Variants in TSHZ3 observed in about 807,000 individuals in gnomAD.
TSHZ3 encodes teashirt zinc finger homeobox 3.
Under a neutral mutation model 64.5 loss-of-function variants are expected in TSHZ3, and 10 were observed. The observed-to-expected ratio is 0.16, with a 90% CI of 0.10 to 0.26. The LOEUF is 0.26. Among genes scored for constraint, TSHZ3 ranks in the 10% least tolerant of loss-of-function variants. TSHZ3 has a pLI of 1.00. For synonymous variants in TSHZ3, 608 were observed against 593.1 expected (o/e 1.03, Z -0.36); for missense variants, 1,242 against 1,421.7 (o/e 0.87, Z 2.03).
intron 1 of TSHZ3, among the ~76,000 whole-genome samples, chr19:31,309,542 T>C (rs1480893393): frequency 1.3e-5 from 2 of 152,118 alleles, no homozygotes; most frequent in Non-Finnish European, 2.9e-5. Flanking sequence ...TTGGGAACCA[T>C]CAAGTCAGCA....
chr19:31,212,075 A>G (rs998774019), intron 4 of TSHZ3, among the ~76,000 whole-genome samples: 3 of 150,882 alleles, frequency 2.0e-5, no homozygotes, highest in African/African-American at 7.3e-5. Flanking sequence ...TTTTGATACC[A>G]TAGGAAATTT....
chr19:31,308,764 G>T, intron 1 of TSHZ3: 1 of 398,450 alleles, frequency 2.5e-6, no homozygotes, highest in Non-Finnish European at 4.4e-6. Flanking sequence ...TGAAATCCTG[G>T]CTGTGTCTGC....
chr19:31,174,257 G>T (rs1308102120), intron 5 of TSHZ3, among the ~76,000 whole-genome samples: 1 of 152,136 alleles, frequency 6.6e-6, no homozygotes, highest in Non-Finnish European at 1.5e-5. Context: ...GAAGGCTCGA[G>T]ACCCAAGAAG....
intron 1 of TSHZ3, among the ~76,000 whole-genome samples, chr19:31,344,082 CA>C (rs1917514689): frequency 6.6e-6 from 1 of 152,162 alleles, no homozygotes; most frequent in Non-Finnish European, 1.5e-5. Context: ...CTGGATGTAC[CA>C]GTCCATATCA....
At chr19:31,260,309 T>C (rs1483265240) in intron 1 of TSHZ3, among the ~76,000 whole-genome samples, 1 of 152,194 alleles carries the variant, frequency 6.6e-6, no homozygotes, top group African/African-American at 2.4e-5. Flanking sequence ...TCTGGTCATC[T>C]CTTGTCCGTG....
chr19:31,314,085 G>A (rs1033776080), intron 1 of TSHZ3, among the ~76,000 whole-genome samples: 6 of 152,200 alleles, frequency 3.9e-5, no homozygotes, highest in African/African-American at 1.2e-4. Context: ...CTCACCGGAT[G>A]CAATTGGAAG....
chr19:31,348,982 A>G (rs1035280379), intron 1 of TSHZ3, 198 bp downstream of exon 1: 26 of 618,652 alleles, frequency 4.2e-5, no homozygotes, highest in Non-Finnish European at 6.3e-5. Flanking sequence ...GAGAGGGAAG[A>G]GGGCAGAGCG....
intron 4 of TSHZ3, among the ~76,000 whole-genome samples, chr19:31,205,742 C>A (rs555236944): frequency 6.6e-6 from 1 of 152,232 alleles, no homozygotes; most frequent in Non-Finnish European, 1.5e-5. Flanking sequence ...CTTTCCCCAC[C>A]TCTCAGCTCC....
At chr19:31,248,820 GA>G (rs1975794482) in intron 1 of TSHZ3, among the ~76,000 whole-genome samples, 1 of 148,722 alleles carries the variant, frequency 6.7e-6, no homozygotes, top group Non-Finnish European at 1.5e-5. Flanking sequence ...GAAGGAAAAA[GA>G]AAAAGAAAAA....
At chr19:31,274,123 A>G (rs1287750304), downstream of TSHZ3, among the ~76,000 whole-genome samples, 1 of 152,112 alleles carries the variant, frequency 6.6e-6, no homozygotes, top group Non-Finnish European at 1.5e-5. Context: ...TTAAATTTTT[A>G]ATAAAATATG....
chr19:31,159,902 G>C (rs1383198018), intron 5 of TSHZ3, among the ~76,000 whole-genome samples: 1 of 151,958 alleles, frequency 6.6e-6, no homozygotes, highest in African/African-American at 2.4e-5. Flanking sequence ...ATGTTGCCCA[G>C]GCTGGTCTCA....
intron 1 of TSHZ3, among the ~76,000 whole-genome samples, chr19:31,256,086 G>C (rs1203385027): frequency 6.6e-6 from 1 of 152,064 alleles, no homozygotes; most frequent in Non-Finnish European, 1.5e-5. Context: ...TGCAGCCTTG[G>C]TCCCCATGTT....
At chr19:31,225,440 C>T (rs551809952) in intron 4 of TSHZ3, among the ~76,000 whole-genome samples, 4 of 152,322 alleles carry the variant, frequency 2.6e-5, no homozygotes, top group South Asian at 2.1e-4. Flanking sequence ...TGGTGCATTT[C>T]GTTCACCAAC....
intron 1 of TSHZ3, among the ~76,000 whole-genome samples, chr19:31,257,936 G>A (rs1975933384): frequency 6.6e-6 from 1 of 152,214 alleles, no homozygotes; most frequent in African/African-American, 2.4e-5. Flanking sequence ...CCCAAACTTG[G>A]AGCCAAGCAT....
chr19:31,151,893 T>C (rs577383599), intron 6 of TSHZ3, among the ~76,000 whole-genome samples: 12 of 152,336 alleles, frequency 7.9e-5, no homozygotes, highest in Middle Eastern at 3.4e-3. Context: ...TTTAATGATG[T>C]AAGCTAACAA....
chr19:31,280,691 C>T (rs767074056), intron 1 of TSHZ3, among the ~76,000 whole-genome samples: 1 of 152,204 alleles, frequency 6.6e-6, no homozygotes, highest in African/African-American at 2.4e-5. Flanking sequence ...CATGGGCATC[C>T]AACAGAGATC....
intron 1 of TSHZ3, among the ~76,000 whole-genome samples, chr19:31,298,313 G>A (rs1361701549): frequency 6.6e-6 from 1 of 152,152 alleles, no homozygotes; most frequent in Non-Finnish European, 1.5e-5. Context: ...CCAGTGGGCT[G>A]GGTAGGCAAG....
At chr19:31,241,498 T>A (rs967779717) in intron 3 of TSHZ3, among the ~76,000 whole-genome samples, 1 of 152,212 alleles carries the variant, frequency 6.6e-6, no homozygotes, top group African/African-American at 2.4e-5. Context: ...CTCTCTGCTC[T>A]ACTTTCAATC....
chr19:31,154,453 T>C (rs550057872), intron 6 of TSHZ3, among the ~76,000 whole-genome samples: 19 of 152,072 alleles, frequency 1.2e-4, no homozygotes, highest in African/African-American at 4.3e-4. Flanking sequence ...CAGTGGACAG[T>C]AGGGAATAAA....
Sources: allele counts gnomAD v4.1 joint callset (sites outside exome capture counted in the v4.1 genomes callset), GRCh38; gene constraint gnomAD v4.1.1; transcripts MANE v1.5; gene names NCBI Gene and HGNC (gene_info 2026-07-23, HGNC 2026-07-21).